The following EIF2B3 variants were observed in gnomAD, a reference collection of about 807,000 sequenced individuals.
EIF2B3 encodes eukaryotic translation initiation factor 2B subunit gamma.
A neutral mutation model predicts 54.1 loss-of-function variants in EIF2B3; 20 were observed. The observed-to-expected ratio is 0.37, with a 90% CI of 0.26 to 0.54. EIF2B3 has a LOEUF of 0.54. EIF2B3 is among the 20% of genes least tolerant of loss of function. The pLI, the probability that EIF2B3 is intolerant of heterozygous loss-of-function variation, is 0.86. For synonymous variants in EIF2B3, 153 were observed against 188.1 expected, an observed-to-expected ratio of 0.81 and a Z score of 1.52; for missense variants, 448 against 547.8, an observed-to-expected ratio of 0.82 and a Z score of 1.82.
chr1:44,977,403 C>T (rs1345164903), intron 3 of EIF2B3, among the ~76,000 whole-genome samples: 1 of 152,046 alleles, frequency 6.6e-6, no homozygotes, highest in Non-Finnish European at 1.5e-5. Flanking sequence ...CTGATTTATA[C>T]ATTAACATTG....
chr1:44,980,633 T>A (rs565264143), intron 2 of EIF2B3, among the ~76,000 whole-genome samples: 1 of 152,276 alleles, frequency 6.6e-6, no homozygotes, highest in South Asian at 2.1e-4. Context: ...TACCTCCGTG[T>A]TTAATATATA....
chr1:44,931,654 C>T (rs945076104), intron 4 of EIF2B3, among the ~76,000 whole-genome samples: 13 of 152,270 alleles, frequency 8.5e-5, no homozygotes, highest in Admixed American at 5.9e-4. Flanking sequence ...AAGCCATGAC[C>T]GAGTTGGGTT....
At chr1:44,880,412 C>G (rs968900289) in intron 7 of EIF2B3, among the ~76,000 whole-genome samples, 7 of 152,150 alleles carry the variant, frequency 4.6e-5, no homozygotes, top group Non-Finnish European at 1.0e-4. Flanking sequence ...ATCAAGACCA[C>G]TAGGGAAAAT....
At chr1:44,968,835 T>G (rs1644371455) in intron 3 of EIF2B3, among the ~76,000 whole-genome samples, 1 of 151,146 alleles carries the variant, frequency 6.6e-6, no homozygotes, top group Admixed American at 6.6e-5. Flanking sequence ...AGGCGGAGGT[T>G]GCAGTGAGTT....
intron 8 of EIF2B3, 102 bp downstream of exon 8, chr1:44,879,716 G>T: frequency 7.4e-7 from 1 of 1,355,516 alleles, no homozygotes; most frequent in East Asian, 2.3e-5. Flanking sequence ...GGGAATGACA[G>T]GGATTCTTAA....
chr1:44,934,326 G>C (rs1213838672), intron 4 of EIF2B3, among the ~76,000 whole-genome samples: 1 of 151,710 alleles, frequency 6.6e-6, no homozygotes, highest in Admixed American at 6.6e-5. Context: ...TGAACTCGGA[G>C]GGCAGAGGTT....
In EIF2B3 at chr1:44,850,549, G is replaced by C. The variant is rs543724503; in HGVS notation, c.*402C>G. On this transcript the variant is annotated 3_prime_UTR_variant, in exon 12 of 12. Transcript: ENST00000360403. Reference sequence around the variant, plus strand: ...GCCAGCAGCTAGGCCTATGGGTCTAGAAAGGCTGATTAGGATAAGGGACTG... The same window carrying C: ...GCCAGCAGCTAGGCCTATGGGTCTACAAAGGCTGATTAGGATAAGGGACTG... The C allele has an allele frequency of 2.5e-5, 6 of 239,304 alleles. No individual in the cohort carries two copies. The highest frequency in any genetic ancestry group is 1.4e-4 in the African/African-American group (6 of 44,008). The allele number at this position is 239,304 out of a possible 1,614,324, so 14.8% of individuals were successfully genotyped here.
At chr1:44,925,741 T>C (rs1057204604) in intron 5 of EIF2B3, among the ~76,000 whole-genome samples, 5 of 151,144 alleles carry the variant, frequency 3.3e-5, no homozygotes, top group Admixed American at 6.6e-5. Flanking sequence ...CCAGCCAATA[T>C]GGTGAAACCC....
chr1:44,941,717 C>G, intron 3 of EIF2B3, 52 bp from the exon 4 acceptor site: 1 of 1,604,178 alleles, frequency 6.2e-7, no homozygotes, highest in Non-Finnish European at 8.5e-7. Flanking sequence ...ATGGATTACA[C>G]AAATCATCAC....
intron 6 of EIF2B3, among the ~76,000 whole-genome samples, chr1:44,883,028 A>G (rs1020324218): frequency 1.7e-4 from 25 of 143,320 alleles, no homozygotes; most frequent in Non-Finnish European, 2.6e-4. Flanking sequence ...CTCCCAGTTC[A>G]AGTGATTCTC....
At chr1:44,921,873 C>G (rs1175941224) in intron 5 of EIF2B3, among the ~76,000 whole-genome samples, 1 of 150,530 alleles carries the variant, frequency 6.6e-6, no homozygotes, top group Non-Finnish European at 1.5e-5. Flanking sequence ...TATTCTGGGT[C>G]TTCTGTAATT....
At chr1:44,869,755 C>G (rs997795600) in intron 10 of EIF2B3, among the ~76,000 whole-genome samples, 2 of 151,700 alleles carry the variant, frequency 1.3e-5, no homozygotes, top group Non-Finnish European at 2.9e-5. Flanking sequence ...CGCGAGCCAC[C>G]ACGCCTGGCT....
At position 44,962,204 on chromosome 1, in the gene EIF2B3, A is replaced by ACATCATCATCATCATCAT. The variant is rs113470749; in HGVS notation, c.294+16093_294+16110dup. 2.6e-4 allele frequency among the ~76,000 whole-genome samples: 38 copies of ACATCATCATCATCATCAT among 146,434 alleles called. 1 individual carries two copies. Among genetic ancestry groups the ACATCATCATCATCATCAT allele is most frequent in the African/African-American group, 7.0e-4 (28 of 39,748 alleles). ...CGAAACTCCGTCTCAATCATCATCA[A>ACATCATCATCATCATCAT]CATCATCATCATCATCATCATCATC... On this transcript the variant is annotated intron_variant, in intron 3 of 11. Coordinates refer to ENST00000360403, the MANE Select transcript of EIF2B3 (RefSeq NM_020365.5).
At chr1:44,967,120 A>T (rs1005093142) in intron 3 of EIF2B3, among the ~76,000 whole-genome samples, 1 of 151,346 alleles carries the variant, frequency 6.6e-6, no homozygotes, top group African/African-American at 2.4e-5. Context: ...GGCCTTCCAT[A>T]GCCTCATATT....
chr1:44,969,769 T>C (rs2148959513), intron 3 of EIF2B3, among the ~76,000 whole-genome samples: 1 of 152,350 alleles, frequency 6.6e-6, no homozygotes, highest in East Asian at 1.9e-4. Context: ...GTTAAAATAT[T>C]AACTATGTCT....
intron 3 of EIF2B3, among the ~76,000 whole-genome samples, chr1:44,960,021 T>C (rs1296707214): frequency 1.3e-5 from 2 of 152,250 alleles, no homozygotes; most frequent in Non-Finnish European, 1.5e-5. Context: ...GTGGGTGATA[T>C]GTGGCTTGTT....
intron 4 of EIF2B3, among the ~76,000 whole-genome samples, chr1:44,936,334 C>T (rs949580903): frequency 6.6e-6 from 1 of 151,436 alleles, no homozygotes; most frequent in African/African-American, 2.4e-5. Flanking sequence ...AATCCTAGCA[C>T]TTTGGGAGGC....
chr1:44,858,070 CTTTTTTT>C (rs3044232), intron 10 of EIF2B3, among the ~76,000 whole-genome samples: 1 of 127,422 alleles, frequency 7.8e-6, no homozygotes. Flanking sequence ...ACTTCAGTTC[CTTTTTTT>C]TTTTTTTTTT....
intron 5 of EIF2B3, among the ~76,000 whole-genome samples, chr1:44,917,988 T>A (rs1312079149): frequency 1.3e-5 from 2 of 150,674 alleles, no homozygotes; most frequent in Non-Finnish European, 1.5e-5. Flanking sequence ...TTAGCCAGGA[T>A]GGTCTCAATC....
Sources: allele counts gnomAD v4.1 joint callset (sites outside exome capture counted in the v4.1 genomes callset), GRCh38; gene constraint gnomAD v4.1.1; transcripts MANE v1.5; gene names NCBI Gene and HGNC (gene_info 2026-07-23, HGNC 2026-07-21).